The following DCC variants were observed in gnomAD, a reference collection of about 807,000 sequenced individuals.
DCC encodes netrin receptor DCC.
DCC carries 58 observed loss-of-function variants against 172.5 expected under a neutral mutation model. That is an observed-to-expected ratio of 0.34 (90% CI 0.27 to 0.42). DCC has a LOEUF of 0.42. Among genes scored for constraint, DCC ranks in the 10% least tolerant of loss-of-function variants. The probability of loss-of-function intolerance (pLI) is 1.00; values close to 1 mark genes in which losing one functional copy is unlikely to be tolerated. For missense variants in DCC, 1,740 were observed against 1,791.0 expected (o/e 0.97, Z 0.51); for synonymous variants, 709 against 644.5 (o/e 1.10, Z -1.52).
intron 1 of DCC, among the ~76,000 whole-genome samples, chr18:52,400,473 GA>G (rs1351335427): frequency 6.6e-6 from 1 of 151,720 alleles, no homozygotes; most frequent in East Asian, 2.0e-4. Context: ...TGGAGAAATA[GA>G]AGCACTTTTA....
intron 8 of DCC, among the ~76,000 whole-genome samples, chr18:53,161,145 T>G (rs987842096): frequency 5.3e-5 from 8 of 152,242 alleles, no homozygotes; most frequent in African/African-American, 1.9e-4. Flanking sequence ...ATAGGAATAT[T>G]CCTTGAATTG....
intron 7 of DCC, among the ~76,000 whole-genome samples, chr18:53,101,719 A>G (rs2043174234): frequency 6.6e-6 from 1 of 152,004 alleles, no homozygotes; most frequent in South Asian, 2.1e-4. Context: ...TGATTCTGAG[A>G]CACAGTTTGT....
chr18:52,793,919 GC>G (rs2037822674), intron 2 of DCC, among the ~76,000 whole-genome samples: 1 of 151,964 alleles, frequency 6.6e-6, no homozygotes, highest in South Asian at 2.1e-4. Flanking sequence ...TTCTCTTTGT[GC>G]CTTTTTTAAA....
At chr18:52,979,414 G>C (rs972192797) in intron 5 of DCC, among the ~76,000 whole-genome samples, 1 of 152,092 alleles carries the variant, frequency 6.6e-6, no homozygotes, top group Non-Finnish European at 1.5e-5. Flanking sequence ...GTGGTGCAGG[G>C]CCTGCCCAGA....
At chr18:52,554,983 T>G (rs1223816086) in intron 1 of DCC, among the ~76,000 whole-genome samples, 3 of 152,088 alleles carry the variant, frequency 2.0e-5, no homozygotes, top group Non-Finnish European at 4.4e-5. Context: ...TTGGCATAAG[T>G]AAACTCTAAG....
chr18:53,355,179 C>G (rs910783130), intron 15 of DCC, among the ~76,000 whole-genome samples: 21 of 152,046 alleles, frequency 1.4e-4, no homozygotes, highest in Admixed American at 1.4e-3. Flanking sequence ...TTACTGTAGG[C>G]TTGTAGTATA....
intron 15 of DCC, among the ~76,000 whole-genome samples, chr18:53,351,045 T>C (rs2057785672): frequency 1.3e-5 from 2 of 151,092 alleles, no homozygotes; most frequent in Middle Eastern, 3.4e-3. Context: ...TTGAGATGAG[T>C]GTCTTCTAAA....
intron 5 of DCC, among the ~76,000 whole-genome samples, chr18:53,048,688 C>A (rs1041629566): frequency 6.7e-6 from 1 of 148,432 alleles, no homozygotes; most frequent in East Asian, 2.0e-4. Context: ...TATATATATA[C>A]CTATTCTTTT....
intron 1 of DCC, among the ~76,000 whole-genome samples, chr18:52,699,746 A>C (rs1467302997): frequency 2.0e-5 from 3 of 152,148 alleles, no homozygotes; most frequent in Admixed American, 2.0e-4. Context: ...AGTTCTATTA[A>C]GGCAGTTAGG....
At chr18:53,218,717 A>C (rs1345380868) in intron 12 of DCC, among the ~76,000 whole-genome samples, 1 of 152,198 alleles carries the variant, frequency 6.6e-6, no homozygotes, top group Non-Finnish European at 1.5e-5. Context: ...CCAGAAAAAG[A>C]TAATGGTTTA....
chr18:52,656,920 C>T (rs570218489), intron 1 of DCC, among the ~76,000 whole-genome samples: 3 of 152,238 alleles, frequency 2.0e-5, no homozygotes, highest in African/African-American at 7.2e-5. Context: ...GAAATGTCGC[C>T]TTCAGATCTC....
intron 2 of DCC, among the ~76,000 whole-genome samples, chr18:52,776,570 C>T (rs1186847403): frequency 6.6e-6 from 1 of 151,942 alleles, no homozygotes; most frequent in African/African-American, 2.4e-5. Flanking sequence ...AAATAACATC[C>T]CTGAGAGATC....
At chr18:53,216,360 T>G (rs999532977) in intron 12 of DCC, among the ~76,000 whole-genome samples, 1 of 152,144 alleles carries the variant, frequency 6.6e-6, no homozygotes, top group Non-Finnish European at 1.5e-5. Context: ...GTGAGGAAAT[T>G]GGCCTAAATG....
intron 28 of DCC, among the ~76,000 whole-genome samples, chr18:53,528,043 ATAAAT>A (rs745556650): frequency 6.6e-6 from 1 of 151,978 alleles, no homozygotes; most frequent in Non-Finnish European, 1.5e-5. Context: ...GTATTGAAAA[ATAAAT>A]TTATAACAAT....
At chr18:52,965,617 G>T (rs114204865) in intron 5 of DCC, among the ~76,000 whole-genome samples, 1 of 151,980 alleles carries the variant, frequency 6.6e-6, no homozygotes, top group Non-Finnish European at 1.5e-5. Context: ...TCTTCAGAAA[G>T]GTATTTGGTT....
intron 15 of DCC, among the ~76,000 whole-genome samples, chr18:53,356,240 C>T (rs900622463): frequency 6.6e-6 from 1 of 151,884 alleles, no homozygotes; most frequent in Non-Finnish European, 1.5e-5. Context: ...CTCTCCTCTA[C>T]CTTCTTGAAT....
intron 27 of DCC, among the ~76,000 whole-genome samples, chr18:53,506,727 A>G (rs375960146): frequency 2.6e-5 from 4 of 152,012 alleles, no homozygotes; most frequent in African/African-American, 9.7e-5. Flanking sequence ...GCATGGTGTC[A>G]TGTGCCTGTA....
At chr18:52,652,743 T>TGTGTGTGTGTGTGTGTGTGTG (rs1481742537) in intron 1 of DCC, among the ~76,000 whole-genome samples, 1 of 148,290 alleles carries the variant, frequency 6.7e-6, no homozygotes, top group African/African-American at 2.5e-5. Flanking sequence ...TGTGTGTGGG[T>TGTGTGTGTGTGTGTGTGTGTG]GGAGGAGGAG....
chr18:53,174,925 C>T (rs1568346760), intron 8 of DCC, among the ~76,000 whole-genome samples: 1 of 152,174 alleles, frequency 6.6e-6, no homozygotes, highest in Non-Finnish European at 1.5e-5. Context: ...CAAAAATCCT[C>T]AGTAAAATAC....
Sources: allele counts gnomAD v4.1 joint callset (sites outside exome capture counted in the v4.1 genomes callset), GRCh38; gene constraint gnomAD v4.1.1; transcripts MANE v1.5; gene names NCBI Gene and HGNC (gene_info 2026-07-23, HGNC 2026-07-21).